The following ATXN7L1 variants were observed in gnomAD, a reference collection of about 807,000 sequenced individuals.
The protein encoded by ATXN7L1 is ataxin 7 like 1, also known as ataxin-7-like protein 1.
ATXN7L1 carries 15 observed loss-of-function variants against 70.8 expected under a neutral mutation model. The ratio of observed to expected loss-of-function variants is 0.21; its 90% CI spans 0.14 to 0.33. The LOEUF (loss-of-function observed/expected upper bound fraction) is 0.33. Ranked by LOEUF, ATXN7L1 falls within the 10% of genes least tolerant of loss-of-function variation. The probability of loss-of-function intolerance (pLI) is 1.00; values close to 1 mark genes in which losing one functional copy is unlikely to be tolerated. For synonymous variants in ATXN7L1, 440 were observed against 445.1 expected (o/e 0.99, Z 0.14); for missense variants, 975 against 1,097.1 (o/e 0.89, Z 1.57).
intron 7 of ATXN7L1, among the ~76,000 whole-genome samples, chr7:105,637,396 AC>A (rs1193826133): frequency 6.6e-6 from 1 of 152,210 alleles, no homozygotes; most frequent in Admixed American, 6.5e-5. Context: ...TGCATAAAAA[AC>A]ATCAGATAAT....
chr7:105,618,981 G>A (rs1443353073), intron 9 of ATXN7L1, among the ~76,000 whole-genome samples: 3 of 151,966 alleles, frequency 2.0e-5, no homozygotes, highest in Non-Finnish European at 4.4e-5. Context: ...AGTAGAGGTG[G>A]GTGGGGAGTC....
chr7:105,640,569 C>G (rs1006108274), intron 5 of ATXN7L1, among the ~76,000 whole-genome samples: 1 of 152,128 alleles, frequency 6.6e-6, no homozygotes, highest in African/African-American at 2.4e-5. Context: ...GGTCTCGCTC[C>G]GTTACCCAGG....
chr7:105,866,699 C>A (rs1235171673), intron 2 of ATXN7L1, among the ~76,000 whole-genome samples: 1 of 152,106 alleles, frequency 6.6e-6, no homozygotes, highest in African/African-American at 2.4e-5. Flanking sequence ...AACACTGGAC[C>A]GGGAGATTTA....
intron 3 of ATXN7L1, 72 bp downstream of exon 3, chr7:105,788,532 G>T: frequency 8.1e-7 from 1 of 1,234,952 alleles, no homozygotes; most frequent in Non-Finnish European, 1.2e-6. Context: ...CCCTGTCGGG[G>T]AGCCCAGGGG....
chr7:105,813,327 A>C (rs1414549536), intron 2 of ATXN7L1, among the ~76,000 whole-genome samples: 1 of 148,090 alleles, frequency 6.8e-6, no homozygotes, highest in African/African-American at 2.5e-5. Flanking sequence ...TAGTATTCAC[A>C]ATCTACAATT....
intron 2 of ATXN7L1, among the ~76,000 whole-genome samples, chr7:105,803,540 C>G (rs796829728): frequency 6.6e-6 from 1 of 152,186 alleles, no homozygotes; most frequent in African/African-American, 2.4e-5. Flanking sequence ...CCCTAGAACA[C>G]CTTCCACCTT....
chr7:105,873,653 T>A (rs946951779), intron 2 of ATXN7L1, among the ~76,000 whole-genome samples: 1 of 152,204 alleles, frequency 6.6e-6, no homozygotes, highest in African/African-American at 2.4e-5. Context: ...TTTCAGCCCA[T>A]ATATGGCTAT....
intron 9 of ATXN7L1, chr7:105,618,102 G>A (rs1321693521): frequency 2.2e-6 from 1 of 456,300 alleles, no homozygotes; most frequent in Non-Finnish European, 4.4e-6. Flanking sequence ...CTGTGCCTGA[G>A]GAGGAAAGGA....
rs141060519 is a variant in ATXN7L1, at chr7:105,678,398, G to A, written c.356-13110C>T. 5.5e-3 allele frequency among the ~76,000 whole-genome samples: 830 copies of A among 152,182 alleles called. 5 individuals are homozygous for A. The highest frequency in any genetic ancestry group is 0.015 in the African/African-American group (610 of 41,522). ...CCCTAGCTAGAAACCAGCCAGACAC[G>A]CTGCCCAGCATCCTAGTGAGCCCGT... On this transcript the variant is annotated intron_variant, in intron 3 of 11. Coordinates refer to ENST00000419735, the MANE Select transcript of ATXN7L1 (RefSeq NM_020725.2).
intron 2 of ATXN7L1, among the ~76,000 whole-genome samples, chr7:105,834,927 G>A (rs1471151888): frequency 6.6e-6 from 1 of 151,944 alleles, no homozygotes; most frequent in Non-Finnish European, 1.5e-5. Context: ...ATGCCTACTG[G>A]GAATCCAGGG....
intron 7 of ATXN7L1, among the ~76,000 whole-genome samples, chr7:105,634,685 T>C (rs1304876293): frequency 6.6e-6 from 1 of 151,998 alleles, no homozygotes; most frequent in African/African-American, 2.4e-5. Context: ...ATAAAGCTAA[T>C]AAGAAATGGA....
intron 9 of ATXN7L1, chr7:105,618,194 C>T: frequency 1.0e-5 from 4 of 384,154 alleles, no homozygotes; most frequent in South Asian, 7.7e-5. Context: ...ATTGACACTT[C>T]CATAACACAG....
At chr7:105,690,541 G>T (rs537497851) in intron 3 of ATXN7L1, among the ~76,000 whole-genome samples, 4 of 152,264 alleles carry the variant, frequency 2.6e-5, no homozygotes, top group South Asian at 2.1e-4. Context: ...AAGGCCTTCC[G>T]TGAGGCCTAA....
At chr7:105,835,146 G>T (rs1337638993) in intron 2 of ATXN7L1, among the ~76,000 whole-genome samples, 4 of 95,204 alleles carry the variant, frequency 4.2e-5, no homozygotes, top group South Asian at 6.7e-4. Flanking sequence ...TTATAAGTGT[G>T]TGGTTTTTTT....
chr7:105,858,820 A>C (rs1028535965), intron 2 of ATXN7L1, among the ~76,000 whole-genome samples: 2 of 152,202 alleles, frequency 1.3e-5, no homozygotes, highest in African/African-American at 4.8e-5. Context: ...CACCACAAGG[A>C]AGTGACAAGA....
intron 3 of ATXN7L1, among the ~76,000 whole-genome samples, chr7:105,777,200 C>A (rs1022285884): frequency 6.6e-6 from 1 of 152,166 alleles, no homozygotes; most frequent in Non-Finnish European, 1.5e-5. Flanking sequence ...GGCAAAGGAG[C>A]CAGCTGACGA....
chr7:105,763,739 AC>A (rs1190063750), intron 3 of ATXN7L1, among the ~76,000 whole-genome samples: 13 of 151,996 alleles, frequency 8.6e-5, no homozygotes, highest in Admixed American at 2.6e-4. Flanking sequence ...GCTATACTTC[AC>A]CCCAACCAGC....
At chr7:105,608,626 G>A (rs2115694352) in intron 11 of ATXN7L1, among the ~76,000 whole-genome samples, 1 of 152,288 alleles carries the variant, frequency 6.6e-6, no homozygotes, top group East Asian at 1.9e-4. Context: ...ATCAACAGAG[G>A]CTGACGGCCT....
At chr7:105,843,971 A>C (rs1813598044) in intron 2 of ATXN7L1, among the ~76,000 whole-genome samples, 1 of 152,228 alleles carries the variant, frequency 6.6e-6, no homozygotes, top group Non-Finnish European at 1.5e-5. Context: ...AAGCTACAGC[A>C]GTATCTGTAG....
Sources: allele counts gnomAD v4.1 joint callset (sites outside exome capture counted in the v4.1 genomes callset), GRCh38; gene constraint gnomAD v4.1.1; transcripts MANE v1.5; gene names NCBI Gene and HGNC (gene_info 2026-07-23, HGNC 2026-07-21).